VPS50: variants seen among roughly 807,000 people sequenced by gnomAD.
VPS50 encodes the protein syndetin.
In VPS50, 70 loss-of-function variants were observed where a neutral mutation model predicts 139.7. The ratio of observed to expected loss-of-function variants is 0.50; its 90% CI spans 0.41 to 0.61. VPS50 has a LOEUF of 0.61. Ranked by LOEUF, VPS50 falls within the 20% of genes least tolerant of loss-of-function variation. VPS50 has a pLI of 0.00. For synonymous variants in VPS50, 365 were observed against 376.7 expected, an observed-to-expected ratio of 0.97 and a Z score of 0.36; for missense variants, 921 against 1,133.7, an observed-to-expected ratio of 0.81 and a Z score of 2.69.
chr7:93,355,346 G>A (rs1002838328), intron 26 of VPS50, among the ~76,000 whole-genome samples: 1 of 152,102 alleles, frequency 6.6e-6, no homozygotes, highest in Admixed American at 6.6e-5. Flanking sequence ...TTTCAGTAGT[G>A]TAGAATATCA....
chr7:93,304,136 CTTGG>C (rs1186491947), intron 17 of VPS50, among the ~76,000 whole-genome samples: 1 of 151,702 alleles, frequency 6.6e-6, no homozygotes, highest in Non-Finnish European at 1.5e-5. Context: ...TGATTTTTCC[CTTGG>C]TTGAAACACA....
intron 9 of VPS50, among the ~76,000 whole-genome samples, chr7:93,261,673 G>T (rs1304890630): frequency 2.8e-5 from 3 of 107,338 alleles, no homozygotes; most frequent in Admixed American, 1.1e-4. Context: ...GCGAGACTCC[G>T]TCTCAAAAAA....
intron 12 of VPS50, among the ~76,000 whole-genome samples, chr7:93,277,981 T>A (rs979275646): frequency 6.6e-6 from 1 of 152,172 alleles, no homozygotes; most frequent in Non-Finnish European, 1.5e-5. Flanking sequence ...TTAGCAATTT[T>A]TTTCTATTAA....
chr7:93,277,371 C>G (rs1796189496), intron 12 of VPS50, among the ~76,000 whole-genome samples: 1 of 152,190 alleles, frequency 6.6e-6, no homozygotes, highest in South Asian at 2.1e-4. Context: ...CGCTATGTCT[C>G]TCACTGGAGA....
At position 93,252,781 on chromosome 7, in the gene VPS50, C is replaced by G; in HGVS notation, c.225+6C>G. 1 of 1,574,794 alleles carries G rather than the reference C, an allele frequency of 6.4e-7. No individual in the cohort carries two copies. The highest frequency in any genetic ancestry group is 8.6e-7 in the Non-Finnish European group (1 of 1,160,510). On this transcript the variant is annotated splice_donor_region_variant and intron_variant, in intron 3 of 27. Transcript: ENST00000305866. ...TTGTTAAATATGAGCTGGAGGTAAA[C>G]AGAATTTCATTAAAACATAACTAAG...
chr7:93,341,321 C>T (rs998474624), intron 22 of VPS50, 106 bp from the exon 23 acceptor site: 5 of 671,094 alleles, frequency 7.5e-6, no homozygotes, highest in South Asian at 6.5e-5. Context: ...ATGTAATTAA[C>T]GTGTGCCCCA....
intron 20 of VPS50, chr7:93,321,308 A>ATAGAT (rs1313895460): frequency 6.6e-6 from 1 of 152,146 alleles, no homozygotes; most frequent in Non-Finnish European, 1.5e-5. Context: ...TCTTCTCTTC[A>ATAGAT]TAGATAAGGA....
At chr7:93,285,367 A>G (rs1180037733) in intron 12 of VPS50, among the ~76,000 whole-genome samples, 2 of 152,232 alleles carry the variant, frequency 1.3e-5, no homozygotes, top group African/African-American at 4.8e-5. Flanking sequence ...GCTCTAATAT[A>G]AAAAGCATTA....
intron 9 of VPS50, among the ~76,000 whole-genome samples, chr7:93,265,662 T>G (rs1045577288): frequency 2.6e-5 from 4 of 152,120 alleles, no homozygotes; most frequent in African/African-American, 9.7e-5. Flanking sequence ...CCTCCCTGAT[T>G]CAAGTGATTC....
At chr7:93,334,071 G>C (rs766910528) in intron 21 of VPS50, 46 bp from the exon 22 acceptor site, 41 of 1,026,976 alleles carry the variant, frequency 4.0e-5, no homozygotes, top group Non-Finnish European at 5.6e-5. Context: ...TGTAACATTT[G>C]CAAGATGATC....
intron 18 of VPS50, 85 bp downstream of exon 18, chr7:93,306,089 G>T: frequency 1.0e-6 from 1 of 975,018 alleles, no homozygotes; most frequent in Non-Finnish European, 1.6e-6. Context: ...CTACATTTAC[G>T]TATCCATTTA....
chr7:93,259,759 A>G (rs1258474045), intron 9 of VPS50, 127 bp downstream of exon 9: 2 of 514,474 alleles, frequency 3.9e-6, no homozygotes, highest in African/African-American at 2.0e-5. Flanking sequence ...ATTCATATTT[A>G]TATATGGGCA....
intron 20 of VPS50, among the ~76,000 whole-genome samples, chr7:93,318,308 T>C (rs1367248931): frequency 6.6e-6 from 1 of 152,144 alleles, no homozygotes; most frequent in Non-Finnish European, 1.5e-5. Flanking sequence ...AGATATAATA[T>C]TTAAAAAATA....
chr7:93,244,952 A>G (rs1219573484), intron 2 of VPS50, among the ~76,000 whole-genome samples: 1 of 151,878 alleles, frequency 6.6e-6, no homozygotes, highest in African/African-American at 2.4e-5. Context: ...ATAGCAAATC[A>G]TATAAGTTCA....
intron 2 of VPS50, chr7:93,245,980 C>A (rs999756640): frequency 1.5e-6 from 1 of 651,802 alleles, no homozygotes; most frequent in South Asian, 1.8e-5. Flanking sequence ...AAATCTATTT[C>A]TGTTCAGTGA....
At chr7:93,327,486 G>A (rs559521073) in intron 21 of VPS50, among the ~76,000 whole-genome samples, 81 of 152,176 alleles carry the variant, frequency 5.3e-4, no homozygotes, top group African/African-American at 1.9e-3. Context: ...TAGTACCCCA[G>A]AAATTTAGCA....
chr7:93,281,868 G>T (rs1796336909), intron 12 of VPS50, among the ~76,000 whole-genome samples: 1 of 152,166 alleles, frequency 6.6e-6, no homozygotes, highest in Non-Finnish European at 1.5e-5. Context: ...AAAAGTAGCT[G>T]CACAAACTGT....
intron 12 of VPS50, among the ~76,000 whole-genome samples, chr7:93,280,600 C>T (rs1796295451): frequency 6.6e-6 from 1 of 152,016 alleles, no homozygotes. Context: ...TGTAGAGAAA[C>T]CCTTTGTGGT....
At chr7:93,321,971 A>G (rs1797626480) in intron 20 of VPS50, among the ~76,000 whole-genome samples, 1 of 152,230 alleles carries the variant, frequency 6.6e-6, no homozygotes, top group African/African-American at 2.4e-5. Flanking sequence ...ATAATGATCC[A>G]GAGTGTTTTA....
Sources: allele counts gnomAD v4.1 joint callset (sites outside exome capture counted in the v4.1 genomes callset), GRCh38; gene constraint gnomAD v4.1.1; transcripts MANE v1.5; gene names NCBI Gene and HGNC (gene_info 2026-07-23, HGNC 2026-07-21).